FUT2: variants seen among roughly 807,000 people sequenced by gnomAD.
The protein encoded by FUT2 is fucosyltransferase 2 (H blood group).
For missense variants in FUT2, 419 were observed against 465.8 expected (o/e 0.90, Z 0.93); for synonymous variants, 182 against 193.1 (o/e 0.94, Z 0.48).
At chr19:48,698,566 T>G (rs1225499404) in intron 1 of FUT2, among the ~76,000 whole-genome samples, 1 of 151,914 alleles carries the variant, frequency 6.6e-6, no homozygotes, top group Non-Finnish European at 1.5e-5. Context: ...CTCAGCCTCC[T>G]GAGTAGCTGT....
Position 48,703,586 on chromosome 19 carries a change from A to C in FUT2, c.630A>C (p.Pro210=), listed in dbSNP as rs759177572. 2.0e-5 allele frequency: 33 copies of C among 1,613,334 alleles called. No homozygotes were observed. Among genetic ancestry groups the C allele is most frequent in the Non-Finnish European group, 2.7e-5 (32 of 1,180,022 alleles). ...GAGGGGACTATGTCCATGTCATGCC[A>C]AAAGTGTGGAAGGGGGTGGTGGCCG... The part of the protein sequence containing the change: ...VRRGDYVHVM[P]KVWKGVVADR... Residue 210 remains proline (P), a synonymous_variant, in exon 2 of 2, where the codon CCA becomes CCC. Transcript: ENST00000425340.
At chr19:48,700,236 A>T (rs572242589) in intron 1 of FUT2, among the ~76,000 whole-genome samples, 2 of 151,878 alleles carry the variant, frequency 1.3e-5, no homozygotes, top group East Asian at 3.9e-4. Context: ...CAAGACTGCA[A>T]GCGGACCAGG....
In FUT2 at chr19:48,705,522, C is replaced by G. The variant is rs751638878; in HGVS notation, c.*1534C>G. 1.8e-5 allele frequency: 3 copies of G among 167,112 alleles called. No homozygotes were observed. Among genetic ancestry groups the G allele is most frequent in the Non-Finnish European group, 2.9e-5 (2 of 68,126 alleles). 10.4% of individuals were successfully genotyped at this position (167,112 alleles called of 1,614,324 possible). A position where few individuals can be genotyped will look rare whatever the true frequency, so the allele number is the denominator to read the frequency against. ...ATGCATCCAAGTCCATAGGTCCTGC[C>G]TCTTCAATCCTGGCTTTCTAGGGCC... On this transcript the variant is annotated 3_prime_UTR_variant, in exon 2 of 2. Transcript: ENST00000425340.
chr19:48,701,779 G>A (rs1193457805), intron 1 of FUT2, among the ~76,000 whole-genome samples: 2 of 151,902 alleles, frequency 1.3e-5, no homozygotes, highest in Non-Finnish European at 2.9e-5. Context: ...AAGATCACGA[G>A]GTCAGGAGTT....
rs2032594450 is a variant in FUT2 at position 48,704,380 on chromosome 19, C to T, written c.*392C>T. ...GAGGTTGCAGTGAGCCAAGATGGTG[C>T]CGCTGCACTCCAGTCTGGGTGACAC... On this transcript the variant is annotated 3_prime_UTR_variant, in exon 2 of 2. Transcript: ENST00000425340. The T allele has an allele frequency of 3.0e-6, 1 of 330,308 alleles. No individual in the cohort carries two copies. Among genetic ancestry groups the T allele is most frequent in the Non-Finnish European group, 5.7e-6 (1 of 176,030 alleles). The allele number at this position is 330,308 out of a possible 1,614,324, so 20.5% of individuals were successfully genotyped here. A position where few individuals can be genotyped will look rare whatever the true frequency, so the allele number is the denominator to read the frequency against.
chr19:48,697,368 AT>A (rs2032433807), intron 1 of FUT2, among the ~76,000 whole-genome samples: 1 of 141,630 alleles, frequency 7.1e-6, no homozygotes, highest in Non-Finnish European at 1.6e-5. Flanking sequence ...AAAAAAAAAA[AT>A]CTCAGTAAGA....
intron 1 of FUT2, among the ~76,000 whole-genome samples, chr19:48,698,089 G>C (rs1391288448): frequency 6.6e-6 from 1 of 150,928 alleles, no homozygotes; most frequent in African/African-American, 2.4e-5. Context: ...AACCTCTGGG[G>C]AGGTGTTGTT....
Position 48,704,905 on chromosome 19 carries a change from T to C in FUT2, c.*917T>C. 1 of 412,736 alleles carries C rather than the reference T, an allele frequency of 2.4e-6. No homozygotes were observed. The highest frequency in any genetic ancestry group is 1.3e-4 in the South Asian group (1 of 7,592). The allele number at this position is 412,736 out of a possible 1,614,324, so 25.6% of individuals were successfully genotyped here. ...ACATGCAGCTTGCAGAAAATTAGGG[T>C]GGTGTTACCAAGGTGAAAAGGGGAA... is the stretch of plus-strand genomic sequence containing the variant. On this transcript the variant is annotated 3_prime_UTR_variant, in exon 2 of 2. Coordinates refer to ENST00000425340, the MANE Select transcript of FUT2 (RefSeq NM_000511.6).
At position 48,704,288 on chromosome 19, in the gene FUT2, G is replaced by A. The variant is rs759849130; in HGVS notation, c.*300G>A. ...AATACAAAAATTAGCCAGGCGTGGT[G>A]GTGCACACCTGTAATCCCAGCTACT... is the stretch of plus-strand genomic sequence containing the variant. On this transcript the variant is annotated 3_prime_UTR_variant, in exon 2 of 2. Transcript: ENST00000425340. 32 of 440,834 alleles carry A rather than the reference G, an allele frequency of 7.3e-5. No individual in the cohort carries two copies. Among genetic ancestry groups the A allele is most frequent in the Non-Finnish European group, 1.1e-4 (26 of 236,028 alleles). The allele number at this position is 440,834 out of a possible 1,614,324, so 27.3% of individuals were successfully genotyped here.
intron 1 of FUT2, among the ~76,000 whole-genome samples, chr19:48,700,799 C>A (rs184437217): frequency 6.6e-6 from 1 of 151,562 alleles, no homozygotes; most frequent in African/African-American, 2.4e-5. Flanking sequence ...CAACTCCCCC[C>A]ACAACTCCGA....
chr19:48,697,794 A>C (rs554587520), intron 1 of FUT2, among the ~76,000 whole-genome samples: 1 of 152,002 alleles, frequency 6.6e-6, no homozygotes, highest in South Asian at 2.1e-4. Context: ...TCCCAGGTTC[A>C]AGCGATTCTC....
At chr19:48,701,328 G>A (rs997353679) in intron 1 of FUT2, among the ~76,000 whole-genome samples, 3 of 151,824 alleles carry the variant, frequency 2.0e-5, no homozygotes, top group African/African-American at 2.4e-5. Context: ...ACGGGCGTCC[G>A]CCACCACACC....
In FUT2 at chr19:48,705,100, C is replaced by CTTTTTAT. The variant is rs1568463036; in HGVS notation, c.*1117_*1118insATTTTTT. ...CCCAGAGAGCTCACTGTTTTCTTTT[C>CTTTTTAT]TTTTTCTTTTCTTTTTTTTTTTTTT... On this transcript the variant is annotated 3_prime_UTR_variant, in exon 2 of 2. Coordinates refer to ENST00000425340, the MANE Select transcript of FUT2 (RefSeq NM_000511.6). 5.1e-5 allele frequency: 9 copies of CTTTTTAT among 175,040 alleles called. 1 individual carries two copies. The highest frequency in any genetic ancestry group is 8.3e-5 in the Non-Finnish European group (7 of 83,868). 10.8% of individuals were successfully genotyped at this position (175,040 alleles called of 1,614,324 possible). A position where few individuals can be genotyped will look rare whatever the true frequency, so the allele number is the denominator to read the frequency against.
At chr19:48,700,361 C>G (rs1454738420) in intron 1 of FUT2, among the ~76,000 whole-genome samples, 1 of 150,918 alleles carries the variant, frequency 6.6e-6, no homozygotes, top group African/African-American at 2.4e-5. Context: ...GAGTCTCGCT[C>G]TGTCTCCCAG....
At chr19:48,697,140 G>A (rs2032425882) in intron 1 of FUT2, among the ~76,000 whole-genome samples, 1 of 151,872 alleles carries the variant, frequency 6.6e-6, no homozygotes, top group Non-Finnish European at 1.5e-5. Context: ...GAGGTCAGGA[G>A]TTCGAGACCA....
In FUT2 at chr19:48,703,992, T is replaced by C; in HGVS notation, c.*4T>C. On this transcript the variant is annotated 3_prime_UTR_variant, in exon 2 of 2. Transcript: ENST00000425340. ...GTCCCCCTTACTCAAGCACTAATGC[T>C]GGCCCATTCTTTGAGACCTTTTCTC... 6.2e-7 allele frequency: 1 copy of C among 1,613,042 alleles called. No individual in the cohort carries two copies. The highest frequency in any genetic ancestry group is 8.5e-7 in the Non-Finnish European group (1 of 1,179,762).
At position 48,704,030 on chromosome 19, in the gene FUT2, C is replaced by T; in HGVS notation, c.*42C>T. 1 of 1,571,382 alleles carries T rather than the reference C, an allele frequency of 6.4e-7. No individual in the cohort carries two copies. Among genetic ancestry groups the T allele is most frequent in the Non-Finnish European group, 8.7e-7 (1 of 1,142,962 alleles). On this transcript the variant is annotated 3_prime_UTR_variant, in exon 2 of 2. Coordinates refer to ENST00000425340, the MANE Select transcript of FUT2 (RefSeq NM_000511.6). Reference sequence around the variant, plus strand: ...GAGACCTTTTCTCCTTCTCTGCCTCCCTCAAGATGAGTGCCCGGGCATGAG... The same window carrying T: ...GAGACCTTTTCTCCTTCTCTGCCTCTCTCAAGATGAGTGCCCGGGCATGAG...
chr19:48,704,087 C>A lies in FUT2; in HGVS notation c.*99C>A. On this transcript the variant is annotated 3_prime_UTR_variant, in exon 2 of 2. Transcript: ENST00000425340. Reference sequence around the variant, plus strand: ...ATGGTTCCATGAGCAGGACCCATCTCTCTTCTGTGAAGATGCGTTGGGCTG... The same window carrying A: ...ATGGTTCCATGAGCAGGACCCATCTATCTTCTGTGAAGATGCGTTGGGCTG... 8.7e-7 allele frequency: 1 copy of A among 1,152,060 alleles called. No homozygotes were observed. Among genetic ancestry groups the A allele is most frequent in the Non-Finnish European group, 1.3e-6 (1 of 768,504 alleles). 71.4% of individuals were successfully genotyped at this position (1,152,060 alleles called of 1,614,324 possible).
At chr19:48,698,212 G>A (rs1036994689) in intron 1 of FUT2, among the ~76,000 whole-genome samples, 7 of 151,998 alleles carry the variant, frequency 4.6e-5, no homozygotes, top group South Asian at 2.1e-4. Context: ...TGATCATGCC[G>A]TGCAGGGCAT....
Sources: gnomAD v4.1 joint callset for allele counts (sites outside exome capture counted in the v4.1 genomes callset) on GRCh38, gnomAD v4.1.1 for gene constraint, MANE v1.5 for transcripts, NCBI Gene and HGNC (gene_info 2026-07-23, HGNC 2026-07-21) for gene names.